EPX: variants seen among roughly 807,000 people sequenced by gnomAD.
The protein encoded by EPX is eosinophil peroxidase.
In EPX, 60 loss-of-function variants were observed where a neutral mutation model predicts 73.0. The ratio of observed to expected loss-of-function variants is 0.82; its 90% CI spans 0.67 to 1.02. The LOEUF (loss-of-function observed/expected upper bound fraction) is 1.02, where lower values mean the gene tolerates loss of function less well. Ranked by LOEUF, EPX falls within the 50% of genes least tolerant of loss-of-function variation. The pLI is 0.00. For synonymous variants in EPX, 347 were observed against 389.2 expected (o/e 0.89, Z 1.28); for missense variants, 950 against 973.9 (o/e 0.98, Z 0.33).
chr17:58,193,690 G>A, intron 3 of EPX, 24 bp from the exon 4 acceptor site: 2 of 1,574,448 alleles, frequency 1.3e-6, no homozygotes, highest in Non-Finnish European at 1.7e-6. Flanking sequence ...GCCAGCTCAG[G>A]TCTGCCCATT....
rs1048306180 is a variant in EPX, at chr17:58,193,618, A to G, written c.346+72A>G. Reference sequence around the variant, plus strand: ...TAGAAGGAATCCAGGAGAGGGAGGCAGGGTGCACAGGTTTGGGGTGCTGGG... The same window carrying G: ...TAGAAGGAATCCAGGAGAGGGAGGCGGGGTGCACAGGTTTGGGGTGCTGGG... On this transcript the variant is annotated intron_variant, in intron 3 of 12. Coordinates refer to ENST00000225371, the MANE Select transcript of EPX (RefSeq NM_000502.6). The G allele has an allele frequency of 1.6e-5, 25 of 1,572,190 alleles. No individual in the cohort carries two copies. In the Admixed American group the frequency reaches 3.5e-4, roughly 22 times the overall value.
At position 58,199,084 on chromosome 17, in the gene EPX, A is replaced by G; in HGVS notation, c.1165A>G (p.Thr389Ala). 2 of 1,614,026 alleles carry G rather than the reference A, an allele frequency of 1.2e-6. No homozygotes were observed. The highest frequency in any genetic ancestry group is 1.7e-6 in the Non-Finnish European group (2 of 1,180,002). The change falls in exon 8 of 13, where the codon ACC becomes GCC. Residue 389 changes from threonine to alanine, a missense_variant. By Grantham distance (58) the Thr-to-Ala change is moderately conservative. Coordinates refer to ENST00000225371, the MANE Select transcript of EPX (RefSeq NM_000502.6). Reference sequence around the variant, plus strand: ...AACCCCCAAACTGGCAGCCATGCACACCCTCTTTATGCGAGAGCACAACCG... The same window carrying G: ...AACCCCCAAACTGGCAGCCATGCACGCCCTCTTTATGCGAGAGCACAACCG... ...TETPKLAAMH[T>A]LFMREHNRLA...
intron 6 of EPX, 38 bp from the exon 7 acceptor site, chr17:58,196,901 G>C (rs750241871): frequency 6.5e-7 from 1 of 1,539,832 alleles, no homozygotes; most frequent in South Asian, 1.1e-5. Context: ...GTCTGCTATT[G>C]AGGGGGCCCC....
chr17:58,197,060 T>C lies in EPX; in HGVS notation c.923T>C (p.Phe308Ser), dbSNP rs751977470. The change falls in exon 7 of 13, where the codon TTT (phenylalanine) becomes TCT (serine). Residue 308 changes from phenylalanine to serine, a missense_variant. Transcript: ENST00000225371. ...AACCAGATCAACGCGCTCACCTCCT[T>C]TGTGGACGCCAGCATGGTGTATGGC... ...VRNQINALTS[F>S]VDASMVYGSE... is the part of the protein sequence containing the mutation. The C allele has an allele frequency of 1.2e-5, 20 of 1,614,052 alleles. No homozygotes were observed. The South Asian group carries it at 2.1e-4, about 17-fold the overall frequency.
chr17:58,203,236 C>A lies in EPX; in HGVS notation c.1864C>A (p.Pro622Thr). The change falls in exon 11 of 13, where the codon CCT becomes ACT. Residue 622 changes from proline to threonine, a missense_variant. Pro to Thr is a conservative substitution (Grantham distance 38). Coordinates refer to ENST00000225371, the MANE Select transcript of EPX (RefSeq NM_000502.6). ...IDIWIGAIAE[P>T]LLPGARVGPL... ...CATCTGGATTGGGGCCATCGCTGAG[C>A]CTCTTTTGCCGGGGGCTCGAGTGGG... 6.2e-7 allele frequency: 1 copy of A among 1,614,164 alleles called. No individual in the cohort carries two copies. Among genetic ancestry groups the A allele is most frequent in the Non-Finnish European group, 8.5e-7 (1 of 1,180,012 alleles).
rs765734818 is a variant in EPX, at chr17:58,199,814, G to A, written c.1537+20G>A. ...ATGAAGGTGACCAGGTTTTCCAGGG[G>A]GCAAATGGGGGTGAGGGTGGGGAGC... On this transcript the variant is annotated intron_variant, in intron 9 of 12. Transcript: ENST00000225371. The A allele has an allele frequency of 2.5e-6, 4 of 1,580,748 alleles. No individual in the cohort carries two copies. The highest frequency in any genetic ancestry group is 1.7e-4 in the Middle Eastern group (1 of 5,854).
At chr17:58,199,314 A>G in intron 8 of EPX, 114 bp downstream of exon 8, 2 of 1,236,296 alleles carry the variant, frequency 1.6e-6, no homozygotes, top group South Asian at 1.3e-5. Flanking sequence ...CAACTGGCGG[A>G]GCACCTGGAC....
At position 58,205,079 on chromosome 17, in the gene EPX, C is replaced by T. The variant is rs1231134332; in HGVS notation, c.*355C>T. The T allele has an allele frequency of 1.2e-5, 2 of 163,784 alleles. No individual in the cohort carries two copies. The highest frequency in any genetic ancestry group is 2.7e-5 in the Non-Finnish European group (2 of 74,392). The allele number at this position is 163,784 out of a possible 1,614,324, so 10.1% of individuals were successfully genotyped here. ...CCCTCCCTCACCATGACTAAGAGAC[C>T]ACTCGGTCCTAGCCTCCAGACACCC... On this transcript the variant is annotated 3_prime_UTR_variant, in exon 13 of 13. Transcript: ENST00000225371.
rs938146267 is a variant in EPX at position 58,199,297 on chromosome 17, G to A, written c.1281+97G>A. On this transcript the variant is annotated intron_variant, in intron 8 of 12. Transcript: ENST00000225371. ...TGCGGATGTGCCTAAAACCAGCTGG[G>A]TCTGGGCAACTGGCGGAGCACCTGG... is the stretch of plus-strand genomic sequence containing the variant. The A allele has an allele frequency of 2.9e-6, 4 of 1,378,686 alleles. No homozygotes were observed. The African/African-American group carries it at 4.3e-5, about 15-fold the overall frequency. 85.4% of individuals were successfully genotyped at this position (1,378,686 alleles called of 1,614,324 possible). A position where few individuals can be genotyped will look rare whatever the true frequency, so the allele number is the denominator to read the frequency against.
chr17:58,194,899 G>A (rs35892171), intron 5 of EPX, 65 bp from the exon 6 acceptor site: 23,927 of 1,226,110 alleles, frequency 0.02, 316 homozygotes, highest in Non-Finnish European at 0.024. Flanking sequence ...TGAGTCCTGG[G>A]TTGGCTCTAA....
chr17:58,195,687 CA>C (rs908924620), intron 6 of EPX, among the ~76,000 whole-genome samples: 5 of 150,772 alleles, frequency 3.3e-5, no homozygotes, highest in Non-Finnish European at 7.4e-5. Context: ...CACGTGCACA[CA>C]CACACTCTCT....
At chr17:58,197,720 G>C (rs919828079) in intron 7 of EPX, among the ~76,000 whole-genome samples, 11 of 152,004 alleles carry the variant, frequency 7.2e-5, no homozygotes, top group African/African-American at 2.7e-4. Flanking sequence ...CCCAGCTGTT[G>C]CTAGACAGTT....
chr17:58,200,432 C>A, intron 10 of EPX, 37 bp downstream of exon 10: 2 of 1,605,134 alleles, frequency 1.2e-6, no homozygotes, highest in South Asian at 1.1e-5. Flanking sequence ...CAGCTTTGCT[C>A]GGGCCAGGCT....
intron 10 of EPX, among the ~76,000 whole-genome samples, chr17:58,201,806 G>C (rs1597969105): frequency 6.6e-6 from 1 of 152,048 alleles, no homozygotes; most frequent in East Asian, 1.9e-4. Flanking sequence ...CTTAGAAAAT[G>C]GTGCAGTTTG....
chr17:58,197,772 T>C (rs1968281531), intron 7 of EPX, among the ~76,000 whole-genome samples: 2 of 152,152 alleles, frequency 1.3e-5, no homozygotes, highest in South Asian at 4.2e-4. Context: ...TTCCTCAGGG[T>C]CTTTTGTCCC....
intron 4 of EPX, 59 bp downstream of exon 4, chr17:58,193,890 C>T: frequency 6.2e-7 from 1 of 1,605,158 alleles, no homozygotes; most frequent in Middle Eastern, 1.7e-4. Context: ...CCTTCCTGCA[C>T]CCACCCTCTC....
rs753242381 is a variant in EPX at position 58,194,096 on chromosome 17, AG to A, written c.594+5del. 5 of 1,612,872 alleles carry A rather than the reference AG, an allele frequency of 3.1e-6. No homozygotes were observed. In the Admixed American group the frequency reaches 8.3e-5, roughly 27 times the overall value. On this transcript the variant is annotated splice_donor_5th_base_variant and intron_variant, in intron 5 of 12. Coordinates refer to ENST00000225371, the MANE Select transcript of EPX (RefSeq NM_000502.6). Reference sequence around the variant, plus strand: ...CAATGGCTTCCTTCTCCCTCTTGTGAGTTGGGGCTGAGGGTTTGGGAGGTTG... The same window carrying A: ...CAATGGCTTCCTTCTCCCTCTTGTGATTGGGGCTGAGGGTTTGGGAGGTTG...
rs1968367476 is a variant in EPX, at chr17:58,203,280, G to A, written c.1908G>A (p.Leu636=). The stretch of plus-strand genomic sequence containing the variant: ...GAGTGGGGCCTCTTCTGGCTTGTCT[G>A]TTCGAGAACCAGTTCAGAAGAGCCC... ...GARVGPLLAC[L]FENQFRRARD... Residue 636 remains leucine, a synonymous_variant, in exon 11 of 13, where the codon CTG becomes CTA. Transcript: ENST00000225371. 2 of 1,614,034 alleles carry A rather than the reference G, an allele frequency of 1.2e-6. No individual in the cohort carries two copies. The highest frequency in any genetic ancestry group is 1.7e-5 in the Admixed American group (1 of 60,014).
intron 5 of EPX, among the ~76,000 whole-genome samples, chr17:58,194,573 G>A (rs1018945552): frequency 2.0e-5 from 3 of 151,948 alleles, no homozygotes; most frequent in East Asian, 1.9e-4. Context: ...TGCTGACCCC[G>A]TACTCCCTAC....
Sources: allele counts gnomAD v4.1 joint callset (sites outside exome capture counted in the v4.1 genomes callset), GRCh38; gene constraint gnomAD v4.1.1; transcripts MANE v1.5; gene names NCBI Gene and HGNC (gene_info 2026-07-23, HGNC 2026-07-21).